Variants in ANKRD27 observed in about 807,000 individuals in gnomAD.
ANKRD27 encodes ankyrin repeat domain 27, also known as ankyrin repeat domain-containing protein 27.
A neutral mutation model predicts 129.7 loss-of-function variants in ANKRD27; 112 were observed. The observed-to-expected ratio is 0.86, with a 90% confidence interval of 0.74 to 1.01. The LOEUF (loss-of-function observed/expected upper bound fraction) is 1.01. ANKRD27 is among the 50% of genes least tolerant of loss of function. The pLI is 0.00. For synonymous variants in ANKRD27, 516 were observed against 511.2 expected (o/e 1.01, Z -0.13); for missense variants, 1,258 against 1,300.5 (o/e 0.97, Z 0.50).
At chr19:32,669,117 T>G (rs1410684843) in intron 1 of ANKRD27, among the ~76,000 whole-genome samples, 1 of 151,682 alleles carries the variant, frequency 6.6e-6, no homozygotes, top group Non-Finnish European at 1.5e-5. Context: ...AGCCTAAGAG[T>G]CATATTTTAT....
intron 25 of ANKRD27, among the ~76,000 whole-genome samples, chr19:32,602,357 C>A (rs147718920): frequency 1.3e-5 from 2 of 152,084 alleles, no homozygotes; most frequent in African/African-American, 2.4e-5. Flanking sequence ...GTGGACTCCA[C>A]GCTGGGGATT....
At chr19:32,647,748 G>A (rs888230230) in intron 3 of ANKRD27, among the ~76,000 whole-genome samples, 1 of 152,222 alleles carries the variant, frequency 6.6e-6, no homozygotes, top group Non-Finnish European at 1.5e-5. Flanking sequence ...CTACAAAAAG[G>A]ACAGGAGTCG....
intron 1 of ANKRD27, among the ~76,000 whole-genome samples, chr19:32,667,832 CAA>C (rs10667176): frequency 2.2e-5 from 3 of 134,906 alleles, no homozygotes; most frequent in African/African-American, 2.8e-5. Flanking sequence ...AACTCCGTCT[CAA>C]AAAAAAAAAA....
Position 32,628,779 on chromosome 19 carries a change from A to T in ANKRD27, c.1280T>A (p.Val427Asp), listed in dbSNP as rs751826337. The part of the protein sequence containing the change: ...LSQEDHDKDT[V>D]QKMCHPLCFC... ...GCAGAGAGGGTGACACATCTTTTGG[A>T]CGGTATCTTTATCATGGTCCTCTTG... Residue 427 changes from valine to aspartate, a missense_variant, in exon 14 of 29, where the codon GTC becomes GAC. Physicochemically the swap from Val to Asp is radical, Grantham distance 152. Transcript: ENST00000306065. The T allele has an allele frequency of 3.1e-6, 5 of 1,614,108 alleles. No homozygotes were observed. The highest frequency in any genetic ancestry group is 1.1e-5 in the South Asian group (1 of 91,068).
chr19:32,646,779 T>C lies in ANKRD27; in HGVS notation c.214-164A>G, dbSNP rs77272324. Reference sequence around the variant, plus strand: ...TGTTTTGCTCATTTTGATACTAAAATGTTTCCTCTTTGTTGGCCTAGTAGC... The same window carrying C: ...TGTTTTGCTCATTTTGATACTAAAACGTTTCCTCTTTGTTGGCCTAGTAGC... On this transcript the variant is annotated intron_variant, in intron 3 of 28. Coordinates refer to ENST00000306065, the MANE Select transcript of ANKRD27 (RefSeq NM_032139.3). Among the ~76,000 whole-genome samples the C allele has an allele frequency of 0.016, 2,398 of 152,316 alleles. 129 individuals carry two copies. The East Asian group carries it at 0.21, about 13-fold the overall frequency.
intron 22 of ANKRD27, among the ~76,000 whole-genome samples, chr19:32,614,271 C>T (rs1192147576): frequency 6.6e-6 from 1 of 151,368 alleles, no homozygotes; most frequent in Non-Finnish European, 1.5e-5. Context: ...AATTATACTT[C>T]GATAAAGGAT....
intron 24 of ANKRD27, among the ~76,000 whole-genome samples, chr19:32,605,283 A>C (rs1971714975): frequency 6.6e-6 from 1 of 151,972 alleles, no homozygotes; most frequent in Non-Finnish European, 1.5e-5. Flanking sequence ...AGGCTGAGGC[A>C]CCTGAGCCTG....
chr19:32,615,344 G>A (rs1971899459), intron 22 of ANKRD27, among the ~76,000 whole-genome samples: 1 of 152,170 alleles, frequency 6.6e-6, no homozygotes. Context: ...CAGCACTGTG[G>A]GAGGCTGAGG....
chr19:32,640,638 G>A (rs1222452715), intron 10 of ANKRD27, among the ~76,000 whole-genome samples: 2 of 152,212 alleles, frequency 1.3e-5, no homozygotes, highest in African/African-American at 2.4e-5. Context: ...ACGGCAGCAC[G>A]TGCCTGTAAT....
chr19:32,667,513 T>C (rs1967782660), intron 1 of ANKRD27, among the ~76,000 whole-genome samples: 2 of 152,174 alleles, frequency 1.3e-5, no homozygotes, highest in African/African-American at 2.4e-5. Flanking sequence ...CTACTTTAAA[T>C]AGAAAAATGG....
At position 32,599,703 on chromosome 19, in the gene ANKRD27, C is replaced by A; in HGVS notation, c.2919+1G>T. The A allele has an allele frequency of 6.2e-7, 1 of 1,611,942 alleles. No homozygotes were observed. Among genetic ancestry groups the A allele is most frequent in the Non-Finnish European group, 8.5e-7 (1 of 1,179,378 alleles). On this transcript the variant is annotated splice_donor_variant, in intron 28 of 28. Coordinates refer to ENST00000306065, the MANE Select transcript of ANKRD27 (RefSeq NM_032139.3). LOFTEE classifies it high-confidence loss of function. ...TTAAAAGCCAGTGTTTAATAACTTA[C>A]CTCATGCAAAGAACCTTCGGTTAAA... is the stretch of plus-strand genomic sequence containing the variant.
At chr19:32,650,550 G>A (rs909657226) in intron 2 of ANKRD27, among the ~76,000 whole-genome samples, 1 of 152,066 alleles carries the variant, frequency 6.6e-6, no homozygotes, top group Admixed American at 6.6e-5. Flanking sequence ...AGCCAGGTAT[G>A]GTGGCATGTG....
intron 21 of ANKRD27, among the ~76,000 whole-genome samples, chr19:32,616,224 C>G (rs905479961): frequency 6.6e-6 from 1 of 152,066 alleles, no homozygotes; most frequent in Non-Finnish European, 1.5e-5. Flanking sequence ...GGTCCTAGGG[C>G]ACTTAGTGAG....
intron 22 of ANKRD27, chr19:32,608,417 C>T (rs1971783064): frequency 2.7e-6 from 1 of 365,488 alleles, no homozygotes; most frequent in Non-Finnish European, 5.5e-6. Flanking sequence ...CTGTTTGCAC[C>T]TCTGTTTAAA....
chr19:32,657,728 C>A (rs1967569034), intron 2 of ANKRD27, among the ~76,000 whole-genome samples: 1 of 151,948 alleles, frequency 6.6e-6, no homozygotes, highest in African/African-American at 2.4e-5. Context: ...AATCCCAGCA[C>A]TTTGGGAGGC....
chr19:32,616,531 A>C (rs1214574709), intron 21 of ANKRD27, among the ~76,000 whole-genome samples: 3 of 141,106 alleles, frequency 2.1e-5, no homozygotes, highest in East Asian at 2.1e-4. Flanking sequence ...CCTGGATGAC[A>C]GCGCAAGACT....
intron 18 of ANKRD27, among the ~76,000 whole-genome samples, chr19:32,619,766 G>C (rs947752961): frequency 1.3e-5 from 2 of 152,158 alleles, no homozygotes; most frequent in Admixed American, 1.3e-4. Context: ...CGAAGTCGGG[G>C]CTTCCTCCCT....
chr19:32,626,684 A>G, intron 16 of ANKRD27, 28 bp downstream of exon 16: 3 of 1,542,058 alleles, frequency 1.9e-6, no homozygotes, highest in Non-Finnish European at 2.6e-6. Context: ...GCAAAGCGAC[A>G]GCCCGCCACA....
chr19:32,599,452 C>T (rs552290508), intron 28 of ANKRD27, among the ~76,000 whole-genome samples: 7 of 152,192 alleles, frequency 4.6e-5, no homozygotes, highest in African/African-American at 1.7e-4. Flanking sequence ...CCTATAAGCA[C>T]CAAGACCTGT....
Sources: allele counts gnomAD v4.1 joint callset (sites outside exome capture counted in the v4.1 genomes callset), GRCh38; gene constraint gnomAD v4.1.1; transcripts MANE v1.5; gene names NCBI Gene and HGNC (gene_info 2026-07-23, HGNC 2026-07-21).